The following AGBL1 variants were observed in gnomAD, a reference collection of about 807,000 sequenced individuals.
AGBL1 encodes the protein cytosolic carboxypeptidase 4.
AGBL1 carries 130 observed loss-of-function variants against 118.9 expected under a neutral mutation model. The ratio of observed to expected loss-of-function variants is 1.09; its 90% CI spans 0.95 to 1.26. The LOEUF (loss-of-function observed/expected upper bound fraction) is 1.26, where lower values mean the gene tolerates loss of function less well. Among genes scored for constraint, AGBL1 ranks in the 50% most tolerant of loss-of-function variants. The probability of loss-of-function intolerance (pLI) is 0.00; values close to 1 mark genes in which losing one functional copy is unlikely to be tolerated. For missense variants in AGBL1, 1,584 were observed against 1,298.1 expected, an observed-to-expected ratio of 1.22 and a Z score of -3.38; for synonymous variants, 555 against 478.9, an observed-to-expected ratio of 1.16 and a Z score of -2.08.
intron 1 of AGBL1, among the ~76,000 whole-genome samples, chr15:86,113,206 TTTTTCTTTTTCTTTTC>T (rs1203924912): frequency 3.5e-5 from 5 of 142,022 alleles, no homozygotes; most frequent in African/African-American, 1.3e-4. Flanking sequence ...TTATTTTTTC[TTTTTCTTTTTCTTTTC>T]TTTTCTTTTC....
intron 9 of AGBL1, 193 bp from the exon 10 acceptor site, chr15:86,262,585 C>G (rs142101976): frequency 9.2e-6 from 6 of 654,576 alleles, no homozygotes; most frequent in Middle Eastern, 2.6e-4. Flanking sequence ...GAGACAAGTC[C>G]TTTATCTTCT....
At chr15:86,114,680 C>T (rs549846813) in intron 1 of AGBL1, among the ~76,000 whole-genome samples, 1 of 152,250 alleles carries the variant, frequency 6.6e-6, no homozygotes, top group East Asian at 1.9e-4. Flanking sequence ...GTAGGCCTTG[C>T]TGGCTTAAGG....
intron 22 of AGBL1, among the ~76,000 whole-genome samples, chr15:86,867,162 G>T (rs2079644225): frequency 6.6e-6 from 1 of 152,086 alleles, no homozygotes; most frequent in African/African-American, 2.4e-5. Flanking sequence ...TCCTTTTCTT[G>T]GGGGTGGGGG....
chr15:86,747,550 A>T (rs1462968320), intron 22 of AGBL1, among the ~76,000 whole-genome samples: 2 of 152,166 alleles, frequency 1.3e-5, no homozygotes, highest in African/African-American at 4.8e-5. Context: ...ACATATGTAT[A>T]CATGTGCCAT....
At chr15:86,643,449 T>G (rs1227957024) in intron 21 of AGBL1, among the ~76,000 whole-genome samples, 8 of 152,178 alleles carry the variant, frequency 5.3e-5, no homozygotes, top group African/African-American at 1.9e-4. Context: ...TGATTTTCTT[T>G]GTGAATATGC....
intron 6 of AGBL1, among the ~76,000 whole-genome samples, chr15:86,237,074 C>G (rs1448674059): frequency 6.6e-6 from 1 of 152,024 alleles, no homozygotes; most frequent in Non-Finnish European, 1.5e-5. Flanking sequence ...GCTGGCCAGC[C>G]CAGCTCTAAA....
intron 19 of AGBL1, among the ~76,000 whole-genome samples, chr15:86,528,995 A>G: frequency 1.9e-4 from 1 of 5,200 alleles, no homozygotes; most frequent in East Asian, 4.2e-3. Context: ...AGATAAAACC[A>G]CAAAGATGGG....
chr15:86,478,969 G>A (rs2082604693), intron 18 of AGBL1, among the ~76,000 whole-genome samples: 1 of 152,060 alleles, frequency 6.6e-6, no homozygotes, highest in African/African-American at 2.4e-5. Flanking sequence ...CCTGACAAAA[G>A]CAAGAAATGG....
intron 18 of AGBL1, among the ~76,000 whole-genome samples, chr15:86,466,248 C>A (rs1226137486): frequency 6.6e-6 from 1 of 152,132 alleles, no homozygotes; most frequent in Non-Finnish European, 1.5e-5. Context: ...AGTTGATCTT[C>A]AGTCTCTGAT....
At chr15:86,590,104 CA>C (rs1004872938) in intron 21 of AGBL1, among the ~76,000 whole-genome samples, 1 of 152,104 alleles carries the variant, frequency 6.6e-6, no homozygotes, top group African/African-American at 2.4e-5. Context: ...CAGTGGGCTG[CA>C]AAAGCTTATT....
chr15:86,209,332 C>T (rs771872827), intron 5 of AGBL1, among the ~76,000 whole-genome samples: 4 of 152,112 alleles, frequency 2.6e-5, no homozygotes, highest in Non-Finnish European at 5.9e-5. Flanking sequence ...TCTATTAGGT[C>T]TGCTTGGTGC....
chr15:86,983,411 A>G (rs1286030975), intron 23 of AGBL1, among the ~76,000 whole-genome samples: 2 of 152,196 alleles, frequency 1.3e-5, no homozygotes, highest in Non-Finnish European at 2.9e-5. Flanking sequence ...GAAATATAAT[A>G]AAACAAAAAT....
chr15:86,960,322 G>A (rs2141684411), intron 23 of AGBL1, among the ~76,000 whole-genome samples: 1 of 152,006 alleles, frequency 6.6e-6, no homozygotes, highest in Non-Finnish European at 1.5e-5. Flanking sequence ...TACAACTTAT[G>A]CTCATATCTA....
At chr15:86,659,895 A>G (rs1277716693) in intron 21 of AGBL1, among the ~76,000 whole-genome samples, 2 of 152,102 alleles carry the variant, frequency 1.3e-5, no homozygotes, top group African/African-American at 4.8e-5. Flanking sequence ...CTCTGTTGCC[A>G]GGGCAATTAC....
chr15:86,713,349 T>G (rs2086589880), intron 22 of AGBL1, among the ~76,000 whole-genome samples: 1 of 152,186 alleles, frequency 6.6e-6, no homozygotes, highest in Non-Finnish European at 1.5e-5. Context: ...GAAGCGTTGC[T>G]GTGGATTGCA....
intron 18 of AGBL1, among the ~76,000 whole-genome samples, chr15:86,521,902 C>T (rs2083194159): frequency 6.6e-6 from 1 of 152,168 alleles, no homozygotes; most frequent in South Asian, 2.1e-4. Flanking sequence ...CTGATCCTCC[C>T]AATCTGTGGC....
At chr15:86,165,561 T>C (rs762678850) in intron 5 of AGBL1, among the ~76,000 whole-genome samples, 1 of 152,092 alleles carries the variant, frequency 6.6e-6, no homozygotes, top group Non-Finnish European at 1.5e-5. Flanking sequence ...ACAATGGAGA[T>C]CCAAGTTAGA....
chr15:86,185,309 C>G (rs189827205), intron 5 of AGBL1, among the ~76,000 whole-genome samples: 33 of 152,240 alleles, frequency 2.2e-4, no homozygotes, highest in African/African-American at 7.5e-4. Flanking sequence ...CTGTTGGTGG[C>G]ACTGTAAACT....
At chr15:86,886,169 A>C (rs571566676) in intron 22 of AGBL1, among the ~76,000 whole-genome samples, 1 of 152,372 alleles carries the variant, frequency 6.6e-6, no homozygotes, top group East Asian at 1.9e-4. Context: ...TGAAGTAAGA[A>C]GCAAAATAAA....
Sources: gnomAD v4.1 joint callset for allele counts (sites outside exome capture counted in the v4.1 genomes callset) on GRCh38, gnomAD v4.1.1 for gene constraint, MANE v1.5 for transcripts, NCBI Gene and HGNC (gene_info 2026-07-23, HGNC 2026-07-21) for gene names.